Variants in SIL1 observed in about 807,000 individuals in gnomAD.
SIL1 encodes the protein nucleotide exchange factor SIL1.
SIL1 carries 40 observed loss-of-function variants against 49.1 expected under a neutral mutation model. The observed-to-expected ratio is 0.81, with a 90% CI of 0.63 to 1.06. The LOEUF is 1.06. SIL1 is among the 50% of genes least tolerant of loss of function. The probability of loss-of-function intolerance (pLI) is 0.00; values close to 1 mark genes in which losing one functional copy is unlikely to be tolerated. For missense variants in SIL1, 500 were observed against 572.6 expected (o/e 0.87, Z 1.29); for synonymous variants, 253 against 250.8 (o/e 1.01, Z -0.08).
Position 139,166,504 on chromosome 5 carries a change from A to T in SIL1, c.-11+31765T>A, listed in dbSNP as rs548242336. On this transcript the variant is annotated intron_variant, in intron 1 of 9. Transcript: ENST00000394817. ...TAGCAAGATCCTGTCCTTACAAAAA[A>T]TACAAAAATAGGCGTGGTGATGAGT... 3.5e-3 allele frequency among the ~76,000 whole-genome samples: 527 copies of T among 152,344 alleles called. 2 individuals are homozygous for T. The highest frequency in any genetic ancestry group is 0.01 in the Middle Eastern group (3 of 294).
At chr5:139,018,590 CAAA>C (rs34450224) in intron 7 of SIL1, among the ~76,000 whole-genome samples, 11 of 69,882 alleles carry the variant, frequency 1.6e-4, no homozygotes, top group Admixed American at 1.6e-4. Flanking sequence ...GACCCTGACT[CAAA>C]AAAAAAAAAA....
At chr5:139,141,141 G>T (rs1422114070) in intron 1 of SIL1, among the ~76,000 whole-genome samples, 1 of 152,184 alleles carries the variant, frequency 6.6e-6, no homozygotes. Context: ...CCTATAACTA[G>T]AATCCATCTG....
At chr5:139,065,194 C>A (rs1769679040) in intron 3 of SIL1, among the ~76,000 whole-genome samples, 1 of 152,114 alleles carries the variant, frequency 6.6e-6, no homozygotes. Flanking sequence ...ACTGAGAGGG[C>A]AGCAAATGAG....
rs142652102 is a variant in SIL1, at chr5:139,048,849, G to C, written c.353+2089C>G. ...AATGACAGCTGATTATTTCTTACATGGTTGTTAGAAAGGAGTAATTGTCTG... is the reference window on the plus strand; with the variant it reads ...AATGACAGCTGATTATTTCTTACATCGTTGTTAGAAAGGAGTAATTGTCTG... On this transcript the variant is annotated intron_variant, in intron 4 of 9. Coordinates refer to ENST00000394817, the MANE Select transcript of SIL1 (RefSeq NM_022464.5). Among the ~76,000 whole-genome samples the C allele has an allele frequency of 3.4e-3, 512 of 152,330 alleles. 4 individuals are homozygous for C. The highest frequency in any genetic ancestry group is 0.012 in the African/African-American group (490 of 41,560).
At chr5:139,017,593 A>G (rs1457292777) in intron 7 of SIL1, among the ~76,000 whole-genome samples, 1 of 152,224 alleles carries the variant, frequency 6.6e-6, no homozygotes, top group Non-Finnish European at 1.5e-5. Flanking sequence ...CAGGGGCATG[A>G]GAACAGCAAA....
intron 1 of SIL1, among the ~76,000 whole-genome samples, chr5:139,173,272 C>T (rs1751811722): frequency 6.6e-6 from 1 of 152,088 alleles, no homozygotes; most frequent in Admixed American, 6.6e-5. Flanking sequence ...AAATGAGGGC[C>T]GGGTGTAGTG....
At chr5:138,975,960 T>C (rs1767385128) in intron 7 of SIL1, among the ~76,000 whole-genome samples, 1 of 152,258 alleles carries the variant, frequency 6.6e-6, no homozygotes, top group Non-Finnish European at 1.5e-5. Context: ...TAATTTGTTA[T>C]ACAACAACAC....
intron 7 of SIL1, among the ~76,000 whole-genome samples, chr5:138,981,553 A>G (rs1767520778): frequency 6.6e-6 from 1 of 152,230 alleles, no homozygotes; most frequent in African/African-American, 2.4e-5. Context: ...CAAGTTTCTT[A>G]TCCACTGCCC....
intron 3 of SIL1, among the ~76,000 whole-genome samples, chr5:139,078,679 T>G (rs1561853760): frequency 6.6e-6 from 1 of 152,234 alleles, no homozygotes; most frequent in East Asian, 1.9e-4. Context: ...ACACATCAAA[T>G]GCCAGGCACG....
intron 1 of SIL1, among the ~76,000 whole-genome samples, chr5:139,160,440 G>C (rs1751489304): frequency 6.6e-6 from 1 of 152,182 alleles, no homozygotes; most frequent in Non-Finnish European, 1.5e-5. Context: ...TTGGTTGAGA[G>C]AGCCACTCTA....
intron 1 of SIL1, among the ~76,000 whole-genome samples, chr5:139,169,274 G>A (rs1199287977): frequency 6.6e-6 from 1 of 152,174 alleles, no homozygotes; most frequent in East Asian, 1.9e-4. Context: ...GTTTACACCT[G>A]AGGCTGATCC....
At chr5:139,145,913 A>T (rs1751187236) in intron 1 of SIL1, among the ~76,000 whole-genome samples, 2 of 151,898 alleles carry the variant, frequency 1.3e-5, no homozygotes, top group Non-Finnish European at 2.9e-5. Flanking sequence ...AAATAAAAAA[A>T]AAAATAAAGA....
chr5:139,143,780 T>A (rs1359216513), intron 1 of SIL1, among the ~76,000 whole-genome samples: 1 of 152,196 alleles, frequency 6.6e-6, no homozygotes, highest in African/African-American at 2.4e-5. Flanking sequence ...TCAGTTGTAT[T>A]TCTATATCCC....
chr5:139,155,518 C>T (rs1751392117), intron 1 of SIL1: 1 of 151,266 alleles, frequency 6.6e-6, no homozygotes, highest in Middle Eastern at 3.5e-3. Flanking sequence ...CTTATGGAGA[C>T]ACTAATCCTG....
chr5:139,118,739 G>A (rs1340710029), intron 3 of SIL1, among the ~76,000 whole-genome samples: 2 of 152,200 alleles, frequency 1.3e-5, no homozygotes, highest in Non-Finnish European at 2.9e-5. Context: ...TAATCTGGTT[G>A]AAGGCAAGTG....
chr5:138,951,921 C>G, intron 7 of SIL1, 37 bp from the exon 8 acceptor site: 1 of 1,565,776 alleles, frequency 6.4e-7, no homozygotes. Context: ...ACTACCCTGC[C>G]CAGCCCAGGG....
chr5:138,995,250 CTTT>C (rs55923125), intron 7 of SIL1, among the ~76,000 whole-genome samples: 1 of 146,006 alleles, frequency 6.8e-6, no homozygotes, highest in African/African-American at 2.5e-5. Flanking sequence ...AAATATTCAT[CTTT>C]TTTTTTTTTT....
intron 1 of SIL1, among the ~76,000 whole-genome samples, chr5:139,192,802 A>G (rs1188281381): frequency 6.6e-6 from 1 of 151,866 alleles, no homozygotes; most frequent in Non-Finnish European, 1.5e-5. Flanking sequence ...GTTCAAGACC[A>G]GCCTGAGCAA....
intron 3 of SIL1, among the ~76,000 whole-genome samples, chr5:139,067,551 T>TG: frequency 6.6e-6 from 1 of 152,376 alleles, no homozygotes; most frequent in Admixed American, 6.5e-5. Context: ...AGAGACCAGC[T>TG]GGTGAAGCCT....
Sources: allele counts gnomAD v4.1 joint callset (sites outside exome capture counted in the v4.1 genomes callset), GRCh38; gene constraint gnomAD v4.1.1; transcripts MANE v1.5; gene names NCBI Gene and HGNC (gene_info 2026-07-23, HGNC 2026-07-21).